IMMP2L: variants seen among roughly 807,000 people sequenced by gnomAD.
IMMP2L encodes the protein inner mitochondrial membrane peptidase subunit 2.
A neutral mutation model predicts 19.3 loss-of-function variants in IMMP2L; 18 were observed. The ratio of observed to expected loss-of-function variants is 0.93; its 90% CI spans 0.64 to 1.38. The LOEUF (loss-of-function observed/expected upper bound fraction) is 1.38, where lower values mean the gene tolerates loss of function less well. Among genes scored for constraint, IMMP2L ranks in the 40% most tolerant of loss-of-function variants. IMMP2L has a pLI of 0.00. For missense variants in IMMP2L, 233 were observed against 218.2 expected, an observed-to-expected ratio of 1.07 and a Z score of -0.43; for synonymous variants, 76 against 73.0, an observed-to-expected ratio of 1.04 and a Z score of -0.21.
intron 3 of IMMP2L, among the ~76,000 whole-genome samples, chr7:111,350,527 T>C (rs901828368): frequency 6.6e-6 from 1 of 151,958 alleles, no homozygotes; most frequent in Non-Finnish European, 1.5e-5. Context: ...CTTCCTCAGA[T>C]AGGGGGGTCT....
At chr7:111,431,822 T>C (rs1234007598) in intron 3 of IMMP2L, among the ~76,000 whole-genome samples, 1 of 151,890 alleles carries the variant, frequency 6.6e-6, no homozygotes, top group East Asian at 1.9e-4. Context: ...TTGTTGTTTC[T>C]AGTTGAGACC....
At chr7:111,225,040 G>A (rs1055801647) in intron 3 of IMMP2L, among the ~76,000 whole-genome samples, 1 of 152,090 alleles carries the variant, frequency 6.6e-6, no homozygotes, top group Non-Finnish European at 1.5e-5. Context: ...ACTCCTGGTT[G>A]TTTCCGTTGC....
intron 3 of IMMP2L, among the ~76,000 whole-genome samples, chr7:111,349,828 C>T (rs919142725): frequency 5.9e-5 from 9 of 152,132 alleles, no homozygotes; most frequent in African/African-American, 1.4e-4. Flanking sequence ...CCTATTGTCT[C>T]TCAGGAGCCC....
chr7:111,276,233 T>G (rs1006165784), intron 3 of IMMP2L, among the ~76,000 whole-genome samples: 15 of 152,176 alleles, frequency 9.9e-5, no homozygotes, highest in Non-Finnish European at 7.3e-5. Context: ...ATTCTGTGTC[T>G]GTAATGTATC....
At chr7:111,134,927 CAAT>C (rs960434887) in intron 3 of IMMP2L, among the ~76,000 whole-genome samples, 11 of 151,836 alleles carry the variant, frequency 7.2e-5, no homozygotes, top group Non-Finnish European at 1.5e-4. Flanking sequence ...ACTATGGTAT[CAAT>C]AATAGAAAAG....
intron 3 of IMMP2L, among the ~76,000 whole-genome samples, chr7:111,436,672 G>T (rs1457742994): frequency 6.6e-6 from 1 of 151,836 alleles, no homozygotes; most frequent in Non-Finnish European, 1.5e-5. Flanking sequence ...TAAACTCAAA[G>T]AATCTAACAT....
chr7:110,664,656 G>T (rs1000464978), intron 5 of IMMP2L, among the ~76,000 whole-genome samples: 1 of 152,094 alleles, frequency 6.6e-6, no homozygotes, highest in African/African-American at 2.4e-5. Context: ...CCTTCAACAG[G>T]TCTGAAGGAG....
At chr7:111,508,974 T>C (rs1845196637) in intron 2 of IMMP2L, among the ~76,000 whole-genome samples, 1 of 152,078 alleles carries the variant, frequency 6.6e-6, no homozygotes, top group Non-Finnish European at 1.5e-5. Context: ...AGCACAAATA[T>C]ATGATAAATA....
chr7:111,436,706 T>C (rs920445749), intron 3 of IMMP2L, among the ~76,000 whole-genome samples: 1 of 151,950 alleles, frequency 6.6e-6, no homozygotes, highest in Non-Finnish European at 1.5e-5. Flanking sequence ...AAAACTGCAC[T>C]GTGTTAATCT....
chr7:110,666,004 C>T (rs1791425761), intron 5 of IMMP2L, among the ~76,000 whole-genome samples: 1 of 152,070 alleles, frequency 6.6e-6, no homozygotes, highest in Admixed American at 6.5e-5. Context: ...AAAGTGCTTT[C>T]CCTTTCACCC....
chr7:111,001,128 A>G (rs1031520460), intron 3 of IMMP2L, among the ~76,000 whole-genome samples: 12 of 152,200 alleles, frequency 7.9e-5, no homozygotes, highest in Non-Finnish European at 1.5e-5. Context: ...CTGCATGTAG[A>G]ATCCTAGTGT....
intron 3 of IMMP2L, among the ~76,000 whole-genome samples, chr7:111,066,566 T>C (rs1435777636): frequency 1.3e-5 from 2 of 152,190 alleles, no homozygotes; most frequent in African/African-American, 4.8e-5. Context: ...ATTGGTTATC[T>C]CTTAATGTTA....
intron 3 of IMMP2L, among the ~76,000 whole-genome samples, chr7:111,043,395 A>G (rs1395798853): frequency 2.6e-5 from 4 of 151,928 alleles, no homozygotes; most frequent in South Asian, 4.1e-4. Context: ...TTTCCTCTCA[A>G]CGTTAACATC....
chr7:110,906,915 C>T (rs1812517849), intron 4 of IMMP2L, among the ~76,000 whole-genome samples: 1 of 152,114 alleles, frequency 6.6e-6, no homozygotes, highest in Non-Finnish European at 1.5e-5. Flanking sequence ...GGGTGCCTTG[C>T]TTACTCAGCC....
At chr7:110,965,278 A>C (rs1437001469) in intron 3 of IMMP2L, among the ~76,000 whole-genome samples, 1 of 152,084 alleles carries the variant, frequency 6.6e-6, no homozygotes, top group African/African-American at 2.4e-5. Context: ...TTTGAATTGA[A>C]GTACTTTTTA....
intron 3 of IMMP2L, among the ~76,000 whole-genome samples, chr7:111,432,210 G>T (rs777926539): frequency 5.9e-5 from 9 of 151,484 alleles, no homozygotes; most frequent in Non-Finnish European, 1.3e-4. Context: ...GCTGGTGTCT[G>T]CTGCTTGGAG....
At chr7:111,067,376 G>A (rs1023529427) in intron 3 of IMMP2L, among the ~76,000 whole-genome samples, 2 of 152,166 alleles carry the variant, frequency 1.3e-5, no homozygotes, top group Admixed American at 6.5e-5. Flanking sequence ...ATAAATAGGC[G>A]TAACCTCTGC....
intron 5 of IMMP2L, among the ~76,000 whole-genome samples, chr7:110,739,382 C>T (rs958602032): frequency 6.6e-6 from 1 of 152,112 alleles, no homozygotes; most frequent in African/African-American, 2.4e-5. Flanking sequence ...ACATTCCATG[C>T]AAATGGACAC....
chr7:111,193,505 T>C (rs888646977), intron 3 of IMMP2L, among the ~76,000 whole-genome samples: 3 of 152,174 alleles, frequency 2.0e-5, no homozygotes, highest in African/African-American at 7.2e-5. Flanking sequence ...TGAGCATCCA[T>C]CTCCAACGAC....
Sources: allele counts gnomAD v4.1 joint callset (sites outside exome capture counted in the v4.1 genomes callset), GRCh38; gene constraint gnomAD v4.1.1; transcripts MANE v1.5; gene names NCBI Gene and HGNC (gene_info 2026-07-23, HGNC 2026-07-21).